The following TBC1D5 variants were observed in gnomAD, a reference collection of about 807,000 sequenced individuals.
The protein encoded by TBC1D5 is TBC1 domain family, member 5.
Under a neutral mutation model 100.3 loss-of-function variants are expected in TBC1D5, and 75 were observed. That is an observed-to-expected ratio of 0.75 (90% CI 0.62 to 0.91). TBC1D5 has a LOEUF of 0.91. Ranked by LOEUF, TBC1D5 falls within the 40% of genes least tolerant of loss-of-function variation. The pLI is 0.00. For missense variants in TBC1D5, 910 were observed against 942.4 expected (o/e 0.97, Z 0.45); for synonymous variants, 323 against 325.6 (o/e 0.99, Z 0.09).
Position 17,177,735 on chromosome 3 carries a change from AT to A in TBC1D5, c.1852+7373del, listed in dbSNP as rs368313524. Among the ~76,000 whole-genome samples, 497 of 149,314 alleles carry A rather than the reference AT, an allele frequency of 3.3e-3. 2 individuals are homozygous for A. The highest frequency in any genetic ancestry group is 0.011 in the African/African-American group (465 of 40,814). ...GAATCCTATTGAGATGGCATCTTAA[AT>A]TTTTTTTTTTATTTTTAAATTTTTG... is the stretch of plus-strand genomic sequence containing the variant. On this transcript the variant is annotated intron_variant, in intron 19 of 21. Coordinates refer to ENST00000253692, the Ensembl canonical transcript of TBC1D5.
chr3:17,531,191 C>T (rs2096218829), intron 2 of TBC1D5, among the ~76,000 whole-genome samples: 1 of 152,144 alleles, frequency 6.6e-6, no homozygotes, highest in Non-Finnish European at 1.5e-5. Context: ...ACAGCAATAA[C>T]AGACAAACAG....
chr3:17,694,713 C>G (rs543781540), intron 1 of TBC1D5, among the ~76,000 whole-genome samples: 2 of 152,152 alleles, frequency 1.3e-5, no homozygotes, highest in Non-Finnish European at 2.9e-5. Context: ...CCTAGCAAGG[C>G]AGGCCAACAT....
intron 1 of TBC1D5, among the ~76,000 whole-genome samples, chr3:17,695,359 G>A (rs1463563836): frequency 1.3e-5 from 2 of 152,096 alleles, no homozygotes; most frequent in African/African-American, 4.8e-5. Flanking sequence ...CCCATCTCAC[G>A]TGCAATGACG....
chr3:17,532,454 A>C (rs1424434231), intron 2 of TBC1D5, among the ~76,000 whole-genome samples: 2 of 152,178 alleles, frequency 1.3e-5, no homozygotes, highest in African/African-American at 4.8e-5. Flanking sequence ...TAGAACTAGA[A>C]ATACCATTTG....
intron 21 of TBC1D5, 110 bp from the exon 23 acceptor site, chr3:17,161,366 C>A: frequency 8.0e-7 from 1 of 1,250,476 alleles, no homozygotes; most frequent in Non-Finnish European, 1.1e-6. Flanking sequence ...GGCCACCTCA[C>A]CCTACATTCG....
At position 17,408,527 on chromosome 3, in the gene TBC1D5, T is replaced by G. The variant is rs544846659; in HGVS notation, c.168-2001A>C. Among the ~76,000 whole-genome samples the G allele has an allele frequency of 1.2e-4, 19 of 152,214 alleles. No individual in the cohort carries two copies. In the East Asian group the frequency reaches 3.7e-3, roughly 29 times the overall value. On this transcript the variant is annotated intron_variant, in intron 4 of 21. Coordinates refer to ENST00000253692, the Ensembl canonical transcript of TBC1D5. ...TTTGTAGAGACTGGGTATTCCTATGTTGCCCAGATTGGTCTACAAAGGGCC... is the reference window on the plus strand; with the variant it reads ...TTTGTAGAGACTGGGTATTCCTATGGTGCCCAGATTGGTCTACAAAGGGCC...
intron 8 of TBC1D5, among the ~76,000 whole-genome samples, chr3:17,401,155 T>TG (rs2093632481): frequency 6.6e-6 from 1 of 152,058 alleles, no homozygotes; most frequent in Non-Finnish European, 1.5e-5. Flanking sequence ...TTTGGGTCAC[T>TG]GGTTTGCCAT....
intron 18 of TBC1D5, among the ~76,000 whole-genome samples, chr3:17,191,299 A>G (rs928283937): frequency 1.3e-5 from 2 of 152,168 alleles, no homozygotes; most frequent in Non-Finnish European, 2.9e-5. Context: ...AATAGTTTCT[A>G]CCTCATGTGC....
chr3:17,637,761 C>T (rs1433774765), intron 1 of TBC1D5, among the ~76,000 whole-genome samples: 1 of 152,164 alleles, frequency 6.6e-6, no homozygotes, highest in Admixed American at 6.5e-5. Flanking sequence ...CATATGTTAT[C>T]ACGTACCACT....
At chr3:17,365,259 A>T (rs980771989) in intron 13 of TBC1D5, among the ~76,000 whole-genome samples, 1 of 152,142 alleles carries the variant, frequency 6.6e-6, no homozygotes, top group Non-Finnish European at 1.5e-5. Context: ...TCTCAGTGGG[A>T]AAAGCATATT....
intron 21 of TBC1D5, among the ~76,000 whole-genome samples, chr3:17,163,283 T>C (rs1175430100): frequency 1.4e-5 from 2 of 142,802 alleles, no homozygotes; most frequent in African/African-American, 2.6e-5. Flanking sequence ...CCCCTTTGCA[T>C]TACAGATCAA....
At chr3:17,543,708 A>G (rs1026877774) in intron 2 of TBC1D5, among the ~76,000 whole-genome samples, 6 of 152,142 alleles carry the variant, frequency 3.9e-5, no homozygotes, top group African/African-American at 1.4e-4. Context: ...AATTATTTAA[A>G]GCAATAAAAT....
At chr3:17,724,148 C>A (rs1332968364) in intron 1 of TBC1D5, among the ~76,000 whole-genome samples, 3 of 149,652 alleles carry the variant, frequency 2.0e-5, no homozygotes, top group African/African-American at 4.9e-5. Context: ...AGCACAATCA[C>A]AACTCACTGC....
intron 13 of TBC1D5, among the ~76,000 whole-genome samples, chr3:17,345,390 G>C (rs1257395010): frequency 2.0e-5 from 3 of 152,120 alleles, no homozygotes; most frequent in Admixed American, 6.5e-5. Flanking sequence ...ACACCAGTTA[G>C]AATGGCAATC....
At chr3:17,454,552 C>T (rs547320223) in intron 3 of TBC1D5, among the ~76,000 whole-genome samples, 6 of 152,192 alleles carry the variant, frequency 3.9e-5, no homozygotes, top group South Asian at 4.1e-4. Flanking sequence ...CTCCGCCTCC[C>T]GGGTTCACGC....
chr3:17,381,957 C>T (rs1474099579), intron 9 of TBC1D5, among the ~76,000 whole-genome samples: 2 of 152,046 alleles, frequency 1.3e-5, no homozygotes, highest in African/African-American at 4.8e-5. Flanking sequence ...CCATATATAA[C>T]TGAACCTGTT....
intron 2 of TBC1D5, among the ~76,000 whole-genome samples, chr3:17,511,983 G>A (rs895605982): frequency 3.3e-5 from 5 of 151,940 alleles, no homozygotes; most frequent in African/African-American, 4.8e-5. Context: ...AAAAGTAACT[G>A]ATTAAGAAGT....
intron 13 of TBC1D5, among the ~76,000 whole-genome samples, chr3:17,336,491 T>G (rs568112874): frequency 6.6e-6 from 1 of 152,262 alleles, no homozygotes; most frequent in Non-Finnish European, 1.5e-5. Flanking sequence ...AGGTCACGGC[T>G]GAGGTCTCTG....
chr3:17,560,464 G>C (rs2096551316), intron 2 of TBC1D5, among the ~76,000 whole-genome samples: 2 of 151,790 alleles, frequency 1.3e-5, no homozygotes, highest in African/African-American at 4.8e-5. Flanking sequence ...TAAAAAAATT[G>C]AAAAATTAGC....
Sources: allele counts gnomAD v4.1 joint callset (sites outside exome capture counted in the v4.1 genomes callset), GRCh38; gene constraint gnomAD v4.1.1; transcripts MANE v1.5; gene names NCBI Gene and HGNC (gene_info 2026-07-23, HGNC 2026-07-21).